MACROD2: variants seen among roughly 807,000 people sequenced by gnomAD.
MACROD2 encodes the protein mono-ADP ribosylhydrolase 2.
Under a neutral mutation model 70.4 loss-of-function variants are expected in MACROD2, and 36 were observed. The observed-to-expected ratio is 0.51, with a 90% confidence interval of 0.39 to 0.68. The LOEUF is 0.68. Among genes scored for constraint, MACROD2 ranks in the 30% least tolerant of loss-of-function variants. MACROD2 has a pLI of 0.00. For synonymous variants in MACROD2, 172 were observed against 178.8 expected (o/e 0.96, Z 0.30); for missense variants, 496 against 538.4 (o/e 0.92, Z 0.78).
At chr20:14,813,713 A>G (rs533403886) in intron 5 of MACROD2, among the ~76,000 whole-genome samples, 1 of 152,202 alleles carries the variant, frequency 6.6e-6, no homozygotes, top group Non-Finnish European at 1.5e-5. Flanking sequence ...ATATACCTCC[A>G]TACATTCATC....
chr20:14,621,683 A>G (rs189744511), intron 4 of MACROD2: 6 of 152,288 alleles, frequency 3.9e-5, no homozygotes, highest in Non-Finnish European at 8.8e-5. Flanking sequence ...CCTCTAGAGG[A>G]GAGAAATTCT....
chr20:15,557,938 T>C (rs189469834), intron 8 of MACROD2, among the ~76,000 whole-genome samples: 1 of 152,308 alleles, frequency 6.6e-6, no homozygotes, highest in Non-Finnish European at 1.5e-5. Flanking sequence ...CAGAAAGCAC[T>C]TTCAACTGGG....
intron 3 of MACROD2, among the ~76,000 whole-genome samples, chr20:14,439,189 C>G (rs1379865564): frequency 2.0e-5 from 3 of 152,028 alleles, no homozygotes; most frequent in African/African-American, 7.2e-5. Context: ...AGTTGGTGAT[C>G]TTGTCAAAAA....
At chr20:14,303,024 A>G (rs761090322) in intron 3 of MACROD2, among the ~76,000 whole-genome samples, 90 of 152,202 alleles carry the variant, frequency 5.9e-4, no homozygotes, top group Non-Finnish European at 8.8e-5. Context: ...ACATTCGTAA[A>G]GAAGGTGGTC....
rs2047454490 is a variant in MACROD2 at position 15,508,325 on chromosome 20, T to G, written c.645+8478T>G. The stretch of plus-strand genomic sequence containing the variant: ...GTGAGTGGTTTGGGGGGTTGGGATT[T>G]TGTTTAAATAGGCATGGAGGGTAAT... On this transcript the variant is annotated intron_variant, in intron 8 of 17. Coordinates refer to ENST00000684519, the MANE Select transcript of MACROD2 (RefSeq NM_001351661.2). Among the ~76,000 whole-genome samples, 3 of 152,062 alleles carry G rather than the reference T, an allele frequency of 2.0e-5. No homozygotes were observed. In the South Asian group the frequency reaches 6.2e-4, roughly 32 times the overall value.
intron 3 of MACROD2, among the ~76,000 whole-genome samples, chr20:14,182,888 G>T (rs1464528954): frequency 1.3e-5 from 2 of 151,616 alleles, no homozygotes; most frequent in East Asian, 3.9e-4. Context: ...TCACACTGCA[G>T]AGTGTTCTTC....
chr20:15,942,293 A>G (rs1256661875), intron 12 of MACROD2, among the ~76,000 whole-genome samples: 1 of 152,152 alleles, frequency 6.6e-6, no homozygotes, highest in Admixed American at 6.6e-5. Context: ...CATTAAAGCC[A>G]TAGGGTGGGC....
intron 5 of MACROD2, among the ~76,000 whole-genome samples, chr20:15,210,552 G>GTTTTTTTTTTTTTTTTTTTGT (rs11333280): frequency 1.6e-5 from 2 of 121,652 alleles, no homozygotes; most frequent in African/African-American, 6.4e-5. Context: ...CTTTTCTTCT[G>GTTTTTTTTTTTTTTTTTTTGT]TTTTTTTTTT....
chr20:14,206,097 G>A (rs918042546), intron 3 of MACROD2, among the ~76,000 whole-genome samples: 2 of 152,140 alleles, frequency 1.3e-5, no homozygotes, highest in African/African-American at 2.4e-5. Flanking sequence ...TAGCAATGTC[G>A]GGGGGTGGGA....
intron 8 of MACROD2, among the ~76,000 whole-genome samples, chr20:15,698,746 C>T (rs1204591835): frequency 6.6e-6 from 1 of 152,114 alleles, no homozygotes; most frequent in Non-Finnish European, 1.5e-5. Flanking sequence ...TAATCCCAGA[C>T]TTCTTGCAGG....
chr20:15,864,392 A>G (rs1451523810), intron 9 of MACROD2, among the ~76,000 whole-genome samples: 1 of 152,160 alleles, frequency 6.6e-6, no homozygotes, highest in Non-Finnish European at 1.5e-5. Flanking sequence ...TCTTGTCAGT[A>G]TCACATCATA....
At chr20:14,728,182 C>G (rs1379747359) in intron 5 of MACROD2, among the ~76,000 whole-genome samples, 1 of 152,010 alleles carries the variant, frequency 6.6e-6, no homozygotes, top group African/African-American at 2.4e-5. Context: ...ATGAAGTATT[C>G]TGTTAATTTA....
rs189954912 is a variant in MACROD2 at position 14,042,882 on chromosome 20, A to G, written c.163+40478A>G. ...AGGGTTCAGTCTCACAAAACTGCCC[A>G]TTACTCCTGATACCAGTTGCAAACC... On this transcript the variant is annotated intron_variant, in intron 2 of 17. Coordinates refer to ENST00000684519, the MANE Select transcript of MACROD2 (RefSeq NM_001351661.2). Among the ~76,000 whole-genome samples the G allele has an allele frequency of 4.3e-3, 653 of 150,944 alleles. 3 individuals are homozygous for G. Among genetic ancestry groups the G allele is most frequent in the Non-Finnish European group, 5.2e-3 (356 of 67,860 alleles).
At chr20:14,495,352 G>A (rs190598201) in intron 4 of MACROD2, among the ~76,000 whole-genome samples, 33 of 152,186 alleles carry the variant, frequency 2.2e-4, no homozygotes, top group African/African-American at 7.7e-4. Context: ...TATGGCACAG[G>A]TCAGGAGAAA....
chr20:15,674,218 C>A (rs1168241561), intron 8 of MACROD2, among the ~76,000 whole-genome samples: 1 of 151,960 alleles, frequency 6.6e-6, no homozygotes, highest in East Asian at 1.9e-4. Context: ...ATAGTGGGGA[C>A]AAGATGCTAT....
intron 5 of MACROD2, among the ~76,000 whole-genome samples, chr20:15,224,070 T>C (rs1480827426): frequency 2.0e-5 from 3 of 152,122 alleles, no homozygotes; most frequent in Non-Finnish European, 4.4e-5. Flanking sequence ...GAGAAAGATG[T>C]CAGTCCAGCC....
chr20:14,392,345 T>A (rs2083535525), intron 3 of MACROD2, among the ~76,000 whole-genome samples: 1 of 152,172 alleles, frequency 6.6e-6, no homozygotes, highest in African/African-American at 2.4e-5. Context: ...ATACATAATA[T>A]CACTTGTATG....
At position 15,499,854 on chromosome 20, in the gene MACROD2, G is replaced by A. The variant is rs2146491459; in HGVS notation, c.645+7G>A. 3.7e-6 allele frequency: 6 copies of A among 1,612,166 alleles called. No individual in the cohort carries two copies. The South Asian group carries it at 6.6e-5, about 18-fold the overall frequency. On this transcript the variant is annotated splice_region_variant and intron_variant, in intron 8 of 17. Transcript: ENST00000684519. Reference sequence around the variant, plus strand: ...TGCCAAGAATCACCATGAGGTAGGAGGAACGACATAATCAGTGAACATCCA... The same window carrying A: ...TGCCAAGAATCACCATGAGGTAGGAAGAACGACATAATCAGTGAACATCCA...
At chr20:14,205,672 C>T (rs2081517268) in intron 3 of MACROD2, among the ~76,000 whole-genome samples, 1 of 152,208 alleles carries the variant, frequency 6.6e-6, no homozygotes, top group African/African-American at 2.4e-5. Context: ...TGGAGGTTCT[C>T]CTGGGACCCT....
Sources: gnomAD v4.1 joint callset for allele counts (sites outside exome capture counted in the v4.1 genomes callset) on GRCh38, gnomAD v4.1.1 for gene constraint, MANE v1.5 for transcripts, NCBI Gene and HGNC (gene_info 2026-07-23, HGNC 2026-07-21) for gene names.